PRIM2: variants seen among roughly 807,000 people sequenced by gnomAD.
The protein encoded by PRIM2 is DNA primase large subunit.
A neutral mutation model predicts 67.3 loss-of-function variants in PRIM2; 39 were observed. That is an observed-to-expected ratio of 0.58 (90% CI 0.45 to 0.76). PRIM2 has a LOEUF of 0.76. Ranked by LOEUF, PRIM2 falls within the 30% of genes least tolerant of loss-of-function variation. The probability of loss-of-function intolerance (pLI) is 0.00; values close to 1 mark genes in which losing one functional copy is unlikely to be tolerated. For synonymous variants in PRIM2, 143 were observed against 198.7 expected, an observed-to-expected ratio of 0.72 and a Z score of 2.36; for missense variants, 398 against 598.7, an observed-to-expected ratio of 0.66 and a Z score of 3.50.
At chr6:57,538,661 G>C (rs1156533195) in intron 10 of PRIM2, among the ~76,000 whole-genome samples, 6 of 152,282 alleles carry the variant, frequency 3.9e-5, no homozygotes, top group African/African-American at 1.4e-4. Context: ...AGACTGGTTG[G>C]CTTAAAAAAC....
intron 5 of PRIM2, among the ~76,000 whole-genome samples, chr6:57,337,335 G>C (rs1160793213): frequency 6.6e-6 from 1 of 151,984 alleles, no homozygotes; most frequent in Admixed American, 6.6e-5. Context: ...CCCAGGAATT[G>C]AACTCAGCTC....
At chr6:57,399,553 C>A (rs558430682) in intron 7 of PRIM2, among the ~76,000 whole-genome samples, 1 of 152,234 alleles carries the variant, frequency 6.6e-6, no homozygotes, top group South Asian at 2.1e-4. Flanking sequence ...TGGATATATA[C>A]CCAGTAATGG....
intron 12 of PRIM2, among the ~76,000 whole-genome samples, chr6:57,621,978 T>C (rs1470737570): frequency 2.6e-5 from 4 of 151,846 alleles, no homozygotes; most frequent in Non-Finnish European, 5.9e-5. Flanking sequence ...TGAGATGGAG[T>C]CTCACTCTGT....
rs115007653 is a variant in PRIM2, at chr6:57,418,695, C to T, written c.693+36527C>T. Among the ~76,000 whole-genome samples the T allele has an allele frequency of 1.3e-3, 192 of 151,962 alleles. 5 individuals are homozygous for T. In the East Asian group the frequency reaches 0.016, roughly 13 times the overall value. On this transcript the variant is annotated intron_variant, in intron 7 of 13. Coordinates refer to ENST00000615550, the MANE Select transcript of PRIM2 (RefSeq NM_000947.5). ...GATTACAAGCATGAACCACTGTGCC[C>T]GGCCTGTTTCCTATATTTTTATATT...
rs377326646 is a variant in PRIM2, at chr6:57,423,206, G to A, written c.693+41038G>A. On this transcript the variant is annotated intron_variant, in intron 7 of 13. Transcript: ENST00000615550. ...CCTTGGTGTTTTTCTAATAATTTAT[G>A]GTAGTTTTTTTCTTTAATCAGAGAA... Among the ~76,000 whole-genome samples, 16 of 152,036 alleles carry A rather than the reference G, an allele frequency of 1.1e-4. 2 individuals carry two copies. Among genetic ancestry groups the A allele is most frequent in the Admixed American group, 6.6e-4 (10 of 15,260 alleles).
At chr6:57,324,893 A>G (rs971335577) in intron 4 of PRIM2, among the ~76,000 whole-genome samples, 1 of 152,170 alleles carries the variant, frequency 6.6e-6, no homozygotes, top group East Asian at 1.9e-4. Flanking sequence ...TAATTGAGAA[A>G]TTACTTACCA....
intron 10 of PRIM2, among the ~76,000 whole-genome samples, chr6:57,576,896 C>T (rs1344093115): frequency 3.3e-5 from 5 of 150,760 alleles, no homozygotes; most frequent in African/African-American, 4.9e-5. Flanking sequence ...AGTTAAATGA[C>T]CTGTTACAAA....
chr6:57,481,810 C>G (rs1216839697), intron 7 of PRIM2, among the ~76,000 whole-genome samples: 1 of 152,160 alleles, frequency 6.6e-6, no homozygotes, highest in Non-Finnish European at 1.5e-5. Context: ...CTAGTAGTAT[C>G]TCATTATGGT....
chr6:57,283,750 G>A, the PRIM2 span, among the ~76,000 whole-genome samples: 5 of 152,204 alleles, frequency 3.3e-5, no homozygotes, highest in African/African-American at 1.2e-4. Context: ...CCTTCTTGAT[G>A]CTTCCCATAT....
At chr6:57,623,797 T>A (rs1776899551) in intron 12 of PRIM2, among the ~76,000 whole-genome samples, 1 of 152,180 alleles carries the variant, frequency 6.6e-6, no homozygotes, top group East Asian at 1.9e-4. Flanking sequence ...ATTTCATTCT[T>A]CTTGGTGGTG....
At chr6:57,454,059 C>G (rs1055007211) in intron 7 of PRIM2, among the ~76,000 whole-genome samples, 1 of 152,070 alleles carries the variant, frequency 6.6e-6, no homozygotes, top group African/African-American at 2.4e-5. Flanking sequence ...TGGTTTTTGT[C>G]TTTGGTTCCG....
At chr6:57,361,896 A>G (rs887549) in intron 5 of PRIM2, among the ~76,000 whole-genome samples, 79,583 of 145,972 alleles carry the variant, frequency 0.55, 21,586 homozygotes, top group South Asian at 0.68. Flanking sequence ...CAAGGGTTAT[A>G]GGGGGAAAAA....
chr6:57,269,787 C>A, the PRIM2 span, among the ~76,000 whole-genome samples: 1 of 152,024 alleles, frequency 6.6e-6, no homozygotes, highest in East Asian at 1.9e-4. Flanking sequence ...GTCTTTAATC[C>A]ATCTTGAATT....
intron 5 of PRIM2, among the ~76,000 whole-genome samples, chr6:57,340,979 G>A (rs942994651): frequency 6.6e-6 from 1 of 152,118 alleles, no homozygotes; most frequent in African/African-American, 2.4e-5. Context: ...TAGTCTGTTT[G>A]CCATATTTTA....
chr6:57,613,964 G>T (rs1776709084), intron 12 of PRIM2, among the ~76,000 whole-genome samples: 1 of 152,124 alleles, frequency 6.6e-6, no homozygotes, highest in Non-Finnish European at 1.5e-5. Flanking sequence ...CAATTCTCCT[G>T]CCATATGTCT....
chr6:57,403,909 A>T (rs1228120820), intron 7 of PRIM2, among the ~76,000 whole-genome samples: 1 of 150,016 alleles, frequency 6.7e-6, no homozygotes, highest in African/African-American at 2.5e-5. Context: ...GACTTTTGTC[A>T]TCATTTTGGA....
At chr6:57,439,127 C>G (rs1772110613) in intron 7 of PRIM2, among the ~76,000 whole-genome samples, 1 of 152,218 alleles carries the variant, frequency 6.6e-6, no homozygotes, top group Middle Eastern at 3.4e-3. Context: ...TTAGATGAAA[C>G]TCTTTATTAT....
At chr6:57,348,120 T>C (rs1768738061) in intron 5 of PRIM2, among the ~76,000 whole-genome samples, 1 of 152,104 alleles carries the variant, frequency 6.6e-6, no homozygotes, top group African/African-American at 2.4e-5. Context: ...CGGTATAATA[T>C]TGCCATCTCT....
chr6:57,371,651 A>C (rs1322983100), intron 5 of PRIM2, among the ~76,000 whole-genome samples: 5 of 152,196 alleles, frequency 3.3e-5, no homozygotes, highest in African/African-American at 1.2e-4. Context: ...ATTTCAGATA[A>C]ATGTTTACTG....
Sources: allele counts gnomAD v4.1 joint callset (sites outside exome capture counted in the v4.1 genomes callset), GRCh38; gene constraint gnomAD v4.1.1; transcripts MANE v1.5; gene names NCBI Gene and HGNC (gene_info 2026-07-23, HGNC 2026-07-21).